Variants in SHPRH observed in about 807,000 individuals in gnomAD.
The protein encoded by SHPRH is SNF2 histone linker PHD RING helicase, also known as E3 ubiquitin-protein ligase SHPRH.
In SHPRH, 106 loss-of-function variants were observed where a neutral mutation model predicts 202.5. That is an observed-to-expected ratio of 0.52 (90% CI 0.45 to 0.62). The LOEUF is 0.62. SHPRH is among the 20% of genes least tolerant of loss of function. SHPRH has a pLI of 0.00. For missense variants in SHPRH, 1,710 were observed against 2,020.0 expected, an observed-to-expected ratio of 0.85 and a Z score of 2.94; for synonymous variants, 729 against 686.0, an observed-to-expected ratio of 1.06 and a Z score of -0.98.
intron 16 of SHPRH, among the ~76,000 whole-genome samples, chr6:145,925,737 T>C (rs192142005): frequency 6.6e-6 from 1 of 152,040 alleles, no homozygotes. Flanking sequence ...CTCTTTTCGA[T>C]GTCATTCTTT....
chr6:145,880,575 G>A (rs1780514338), downstream of SHPRH, among the ~76,000 whole-genome samples: 1 of 151,618 alleles, frequency 6.6e-6, no homozygotes, highest in South Asian at 2.1e-4. Context: ...GCTGCAGTGA[G>A]TCATGATCAT....
Position 145,886,625 on chromosome 6 carries a change from A to T in SHPRH, c.*66T>A. 1 of 1,584,402 alleles carries T rather than the reference A, an allele frequency of 6.3e-7. No homozygotes were observed. Among genetic ancestry groups the T allele is most frequent in the Admixed American group, 1.9e-5 (1 of 53,898 alleles). On this transcript the variant is annotated 3_prime_UTR_variant, in exon 30 of 30. Coordinates refer to ENST00000275233, the MANE Select transcript of SHPRH (RefSeq NM_001042683.3). ...TATCTACTGGGTTTTTAAAACTTGT[A>T]ACTTTGCTCTACAGCTATGAAAGTT...
chr6:145,862,704 C>A (rs1779625330), downstream of SHPRH: 1 of 152,216 alleles, frequency 6.6e-6, no homozygotes, highest in South Asian at 2.1e-4. Context: ...AGCTGTCAAA[C>A]TGTTCTGAAT....
At chr6:145,954,652 G>C in intron 2 of SHPRH, 38 bp downstream of exon 2, 1 of 1,530,882 alleles carries the variant, frequency 6.5e-7, no homozygotes, top group Non-Finnish European at 8.7e-7. Context: ...TGCCAATGTA[G>C]AAGAGCCTCA....
At chr6:145,882,052 C>A (rs564783954), downstream of SHPRH, among the ~76,000 whole-genome samples, 7 of 150,000 alleles carry the variant, frequency 4.7e-5, no homozygotes, top group Non-Finnish European at 1.0e-4. Context: ...GCGGTCATGG[C>A]ACCACTACAC....
In SHPRH at chr6:145,932,988, A is replaced by G; in HGVS notation, c.3112+69T>C. On this transcript the variant is annotated intron_variant, in intron 14 of 29. Coordinates refer to ENST00000275233, the MANE Select transcript of SHPRH (RefSeq NM_001042683.3). Reference sequence around the variant, plus strand: ...ATCCCCCCCCCAAAAATCAAAATCTATTTTTTCTATAATTAACCTTCCTCA... The same window carrying G: ...ATCCCCCCCCCAAAAATCAAAATCTGTTTTTTCTATAATTAACCTTCCTCA... 2.0e-6 allele frequency: 3 copies of G among 1,510,748 alleles called. No homozygotes were observed. In the East Asian group the frequency reaches 7.0e-5, roughly 35 times the overall value. 93.6% of individuals were successfully genotyped at this position (1,510,748 alleles called of 1,614,324 possible). A position where few individuals can be genotyped will look rare whatever the true frequency, so the allele number is the denominator to read the frequency against.
intron 14 of SHPRH, among the ~76,000 whole-genome samples, chr6:145,928,811 A>G (rs1785138307): frequency 6.6e-6 from 1 of 151,964 alleles, no homozygotes; most frequent in Non-Finnish European, 1.5e-5. Flanking sequence ...ACATTATCAA[A>G]GAACTGTAGT....
chr6:145,936,978 C>CTTTTTTT (rs1206387630), intron 11 of SHPRH, among the ~76,000 whole-genome samples: 3 of 125,660 alleles, frequency 2.4e-5, no homozygotes, highest in Non-Finnish European at 3.3e-5. Flanking sequence ...CATGCTTCAT[C>CTTTTTTT]TTTTTTTTTT....
At position 145,922,268 on chromosome 6, in the gene SHPRH, A is replaced by G. The variant is rs754535005; in HGVS notation, c.3782+18T>C. 6.3e-7 allele frequency: 1 copy of G among 1,580,972 alleles called. No homozygotes were observed. The highest frequency in any genetic ancestry group is 8.6e-7 in the Non-Finnish European group (1 of 1,168,002). ...TGTTTCATTTTCTTGATGGGTAATA[A>G]TCAAATAGAGAACTTACGTGTTGGA... On this transcript the variant is annotated intron_variant, in intron 20 of 29. Coordinates refer to ENST00000275233, the MANE Select transcript of SHPRH (RefSeq NM_001042683.3).
At chr6:145,898,634 G>T (rs1029958554) in intron 25 of SHPRH, among the ~76,000 whole-genome samples, 3 of 152,004 alleles carry the variant, frequency 2.0e-5, no homozygotes, top group Admixed American at 6.6e-5. Flanking sequence ...TCTTGTGCAA[G>T]ATGAATTGGC....
intron 11 of SHPRH, among the ~76,000 whole-genome samples, chr6:145,937,758 T>C (rs1199072773): frequency 6.6e-6 from 1 of 152,192 alleles, no homozygotes; most frequent in Non-Finnish European, 1.5e-5. Flanking sequence ...TGCCACATGA[T>C]CTATTTACAT....
At chr6:145,929,823 A>G (rs4075695) in intron 14 of SHPRH, among the ~76,000 whole-genome samples, 80,016 of 151,888 alleles carry the variant, frequency 0.53, 21,506 homozygotes, top group East Asian at 0.65. Flanking sequence ...TTAGATATTG[A>G]TAACAGAATT....
downstream of SHPRH, chr6:145,884,451 T>G (rs1780820918): frequency 6.6e-6 from 1 of 152,300 alleles, no homozygotes; most frequent in East Asian, 1.9e-4. Flanking sequence ...CAAACACATT[T>G]AAGTTTAATG....
Position 145,924,612 on chromosome 6 carries a change from G to A in SHPRH, c.3402+127C>T, listed in dbSNP as rs1006606899. 66 of 648,310 alleles carry A rather than the reference G, an allele frequency of 1.0e-4. No individual in the cohort carries two copies. The African/African-American group carries it at 1.1e-3, about 11-fold the overall frequency. 40.2% of individuals were successfully genotyped at this position (648,310 alleles called of 1,614,324 possible). The stretch of plus-strand genomic sequence containing the variant: ...TAAAATAAACTTGTATTGTGGGTCA[G>A]GCAATGTGCTAGGTGCTAAGGATTT... On this transcript the variant is annotated intron_variant, in intron 17 of 29. Coordinates refer to ENST00000275233, the MANE Select transcript of SHPRH (RefSeq NM_001042683.3).
At chr6:145,909,842 C>A (rs180915930) in intron 25 of SHPRH, 18 of 152,044 alleles carry the variant, frequency 1.2e-4, no homozygotes, top group Non-Finnish European at 2.4e-4. Flanking sequence ...TTAAATACCC[C>A]TTAAAAGCAG....
intron 14 of SHPRH, among the ~76,000 whole-genome samples, chr6:145,930,368 T>C (rs772664199): frequency 6.7e-6 from 1 of 148,398 alleles, no homozygotes; most frequent in East Asian, 1.9e-4. Context: ...CTTTTTTCTT[T>C]TCTAGTACAT....
chr6:145,870,651 T>C (rs1444216263), intron 2 of SHPRH, among the ~76,000 whole-genome samples: 1 of 152,186 alleles, frequency 6.6e-6, no homozygotes, highest in Non-Finnish European at 1.5e-5. Flanking sequence ...TATTTCCTTT[T>C]GTTGTGTAGC....
chr6:145,954,675 CA>C lies in SHPRH; in HGVS notation c.633+14del, dbSNP rs1484904291. 1.9e-6 allele frequency: 3 copies of C among 1,547,250 alleles called. No individual in the cohort carries two copies. The highest frequency in any genetic ancestry group is 1.4e-5 in the African/African-American group (1 of 72,040). ...TAGAAGAGCCTCAAAAAAGACACCACAAAAAACTGAGTACCTTGATAATGTG... is the reference window on the plus strand; with the variant it reads ...TAGAAGAGCCTCAAAAAAGACACCACAAAAACTGAGTACCTTGATAATGTG... On this transcript the variant is annotated intron_variant, in intron 2 of 29. Coordinates refer to ENST00000275233, the MANE Select transcript of SHPRH (RefSeq NM_001042683.3).
intron 11 of SHPRH, among the ~76,000 whole-genome samples, chr6:145,936,128 T>C (rs543995877): frequency 5.8e-4 from 89 of 152,330 alleles, no homozygotes; most frequent in African/African-American, 2.0e-3. Flanking sequence ...CAATTTTATA[T>C]TCTATTCCCC....
Sources: allele counts gnomAD v4.1 joint callset (sites outside exome capture counted in the v4.1 genomes callset), GRCh38; gene constraint gnomAD v4.1.1; transcripts MANE v1.5; gene names NCBI Gene and HGNC (gene_info 2026-07-23, HGNC 2026-07-21).